The following DLGAP2 variants were observed in gnomAD, a reference collection of about 807,000 sequenced individuals.
DLGAP2 encodes DLG associated protein 2.
A neutral mutation model predicts 100.3 loss-of-function variants in DLGAP2; 26 were observed. That is an observed-to-expected ratio of 0.26 (90% CI 0.19 to 0.36). The LOEUF (loss-of-function observed/expected upper bound fraction) is 0.36, where lower values mean the gene tolerates loss of function less well. DLGAP2 is among the 10% of genes least tolerant of loss of function. The pLI is 1.00. For missense variants in DLGAP2, 1,858 were observed against 1,453.2 expected, an observed-to-expected ratio of 1.28 and a Z score of -4.53; for synonymous variants, 886 against 630.1, an observed-to-expected ratio of 1.41 and a Z score of -6.08.
intron 2 of DLGAP2, among the ~76,000 whole-genome samples, chr8:974,833 T>TA (rs1437033703): frequency 6.6e-6 from 1 of 152,032 alleles, no homozygotes; most frequent in African/African-American, 2.4e-5. Flanking sequence ...ACTTCTTCTT[T>TA]AAAAAACTAG....
chr8:1,570,504 T>G (rs1174315191), intron 6 of DLGAP2, among the ~76,000 whole-genome samples: 1 of 152,262 alleles, frequency 6.6e-6, no homozygotes, highest in East Asian at 1.9e-4. Flanking sequence ...TAAAATTGAT[T>G]TCTGAGTTGA....
intron 1 of DLGAP2, among the ~76,000 whole-genome samples, chr8:767,812 A>G (rs917801823): frequency 6.6e-6 from 1 of 152,218 alleles, no homozygotes; most frequent in Admixed American, 6.5e-5. Context: ...GTGGTTTAGA[A>G]TTAGCAACTG....
chr8:1,444,463 G>C (rs1340198304), intron 3 of DLGAP2, among the ~76,000 whole-genome samples: 4 of 152,104 alleles, frequency 2.6e-5, no homozygotes, highest in African/African-American at 9.7e-5. Context: ...ACCTTGTTTT[G>C]TTTGATGTCT....
intron 3 of DLGAP2, among the ~76,000 whole-genome samples, chr8:1,303,207 C>G (rs1033955810): frequency 3.9e-5 from 6 of 152,136 alleles, no homozygotes; most frequent in Non-Finnish European, 7.4e-5. Flanking sequence ...ACCATCCTGG[C>G]TAACACGGTG....
In DLGAP2 at chr8:1,232,652, A is replaced by G. The variant is rs1276886323; in HGVS notation, c.74-26199A>G. 3.3e-5 allele frequency among the ~76,000 whole-genome samples: 5 copies of G among 152,234 alleles called. No homozygotes were observed. The East Asian group carries it at 9.7e-4, about 29-fold the overall frequency. Reference sequence around the variant, plus strand: ...CAAGATGCTTTCATGTAGGCATTTCATTTCTCCTTGCAAAATCTCTGTAAA... The same window carrying G: ...CAAGATGCTTTCATGTAGGCATTTCGTTTCTCCTTGCAAAATCTCTGTAAA... On this transcript the variant is annotated intron_variant, in intron 2 of 14. Coordinates refer to ENST00000637795, the MANE Select transcript of DLGAP2 (RefSeq NM_001346810.2).
intron 3 of DLGAP2, among the ~76,000 whole-genome samples, chr8:1,449,687 C>T (rs1313411540): frequency 6.6e-6 from 1 of 152,206 alleles, no homozygotes; most frequent in Non-Finnish European, 1.5e-5. Context: ...AAGGTGGGAG[C>T]AGGGGGTGTG....
intron 2 of DLGAP2, among the ~76,000 whole-genome samples, chr8:1,036,929 C>T (rs1311631624): frequency 6.6e-6 from 1 of 152,194 alleles, no homozygotes; most frequent in East Asian, 1.9e-4. Context: ...CCCCTCCCGG[C>T]ACAGTTCCTA....
intron 2 of DLGAP2, among the ~76,000 whole-genome samples, chr8:1,190,692 G>A (rs765414654): frequency 6.6e-6 from 1 of 152,146 alleles, no homozygotes; most frequent in South Asian, 2.1e-4. Context: ...CGTGTCTTAC[G>A]TAGAGAAGAA....
intron 3 of DLGAP2, among the ~76,000 whole-genome samples, chr8:1,357,627 T>G (rs1801885792): frequency 6.6e-6 from 1 of 152,142 alleles, no homozygotes. Flanking sequence ...CTCTTACACA[T>G]TTTCAAAATA....
chr8:1,538,297 C>T (rs1801223824), intron 4 of DLGAP2, among the ~76,000 whole-genome samples: 1 of 152,184 alleles, frequency 6.6e-6, no homozygotes, highest in Non-Finnish European at 1.5e-5. Context: ...AGTTATTTCT[C>T]ACCTGCAGTA....
rs966610951 is a variant in DLGAP2, at chr8:737,719, C to A, written c.-89C>A. On this transcript the variant is annotated 5_prime_UTR_variant, in exon 1 of 15. Transcript: ENST00000637795. ...ACGGACCGCGGACGGACGTACTGAC[C>A]CCAACCCGCGAGCCCCGGGAGCCGT... The A allele has an allele frequency of 8.0e-6, 3 of 373,398 alleles. No homozygotes were observed. The highest frequency in any genetic ancestry group is 1.4e-5 in the Non-Finnish European group (3 of 209,726). The allele number at this position is 373,398 out of a possible 1,614,324, so 23.1% of individuals were successfully genotyped here.
chr8:1,522,317 G>A lies in DLGAP2; in HGVS notation c.172+20886G>A, dbSNP rs141401595. On this transcript the variant is annotated intron_variant, in intron 4 of 14. Transcript: ENST00000637795. Reference sequence around the variant, plus strand: ...AGCTGTGTCTTCTGTGTTGAAATATGCCTTGTGGTAGTTTTGCTGAAAGCC... The same window carrying A: ...AGCTGTGTCTTCTGTGTTGAAATATACCTTGTGGTAGTTTTGCTGAAAGCC... Among the ~76,000 whole-genome samples, 37 of 152,332 alleles carry A rather than the reference G, an allele frequency of 2.4e-4. No homozygotes were observed. The East Asian group carries it at 6.8e-3, about 28-fold the overall frequency.
intron 3 of DLGAP2, among the ~76,000 whole-genome samples, chr8:1,328,014 A>T (rs1046055683): frequency 3.9e-5 from 6 of 151,998 alleles, no homozygotes; most frequent in Admixed American, 2.6e-4. Context: ...TGAGGCTGAG[A>T]CTGTGTTTCT....
At position 845,653 on chromosome 8, in the gene DLGAP2, A is replaced by G. The variant is rs1797058874; in HGVS notation, c.19-62259A>G. On this transcript the variant is annotated intron_variant, in intron 1 of 14. Transcript: ENST00000637795. ...CTTGATGGTGTTCTTTGAAGCATAG[A>G]TGTTTTAAATTTTGATGATATCCAG... 2.0e-5 allele frequency among the ~76,000 whole-genome samples: 3 copies of G among 152,120 alleles called. 1 individual carries two copies. The South Asian group carries it at 6.2e-4, about 32-fold the overall frequency.
At chr8:1,280,248 C>T (rs1350567032) in intron 3 of DLGAP2, among the ~76,000 whole-genome samples, 1 of 152,132 alleles carries the variant, frequency 6.6e-6, no homozygotes, top group Non-Finnish European at 1.5e-5. Flanking sequence ...ATGAGTCCTG[C>T]TACTGAGGCT....
At chr8:1,103,355 C>T (rs955498366) in intron 2 of DLGAP2, among the ~76,000 whole-genome samples, 1 of 152,066 alleles carries the variant, frequency 6.6e-6, no homozygotes, top group African/African-American at 2.4e-5. Flanking sequence ...CCTTGGTTAA[C>T]GGTGATGACT....
chr8:1,425,005 T>C (rs772697939), intron 3 of DLGAP2, among the ~76,000 whole-genome samples: 1 of 152,156 alleles, frequency 6.6e-6, no homozygotes. Context: ...TAGACAAAAA[T>C]GCCCATGATG....
chr8:1,346,988 C>G (rs1046498087), intron 3 of DLGAP2, among the ~76,000 whole-genome samples: 2 of 151,996 alleles, frequency 1.3e-5, no homozygotes, highest in Non-Finnish European at 2.9e-5. Flanking sequence ...CTGCATTGCA[C>G]TCATGGTAGC....
At chr8:913,002 G>A (rs1428423977) in intron 2 of DLGAP2, among the ~76,000 whole-genome samples, 2 of 152,234 alleles carry the variant, frequency 1.3e-5, no homozygotes, top group Admixed American at 1.3e-4. Context: ...GTTTAGTTGT[G>A]CATTGGCAAA....
Sources: gnomAD v4.1 joint callset for allele counts (sites outside exome capture counted in the v4.1 genomes callset) on GRCh38, gnomAD v4.1.1 for gene constraint, MANE v1.5 for transcripts, NCBI Gene and HGNC (gene_info 2026-07-23, HGNC 2026-07-21) for gene names.